Variants in CRB1 observed in about 807,000 individuals in gnomAD.
CRB1 encodes protein crumbs homolog 1.
CRB1 carries 83 observed loss-of-function variants against 120.0 expected under a neutral mutation model. The ratio of observed to expected loss-of-function variants is 0.69; its 90% CI spans 0.58 to 0.83. The LOEUF (loss-of-function observed/expected upper bound fraction) is 0.83. Among genes scored for constraint, CRB1 ranks in the 40% least tolerant of loss-of-function variants. The pLI is 0.00. For synonymous variants in CRB1, 625 were observed against 612.5 expected, an observed-to-expected ratio of 1.02 and a Z score of -0.30; for missense variants, 1,699 against 1,687.6, an observed-to-expected ratio of 1.01 and a Z score of -0.12.
intron 1 of CRB1, among the ~76,000 whole-genome samples, chr1:197,285,559 T>G (rs543056601): frequency 5.1e-4 from 77 of 151,972 alleles, no homozygotes; most frequent in African/African-American, 1.8e-3. Flanking sequence ...TGGTAGCAAA[T>G]ATTACAACTG....
intron 2 of CRB1, among the ~76,000 whole-genome samples, chr1:197,329,220 T>C (rs1460988309): frequency 6.6e-6 from 1 of 152,218 alleles, no homozygotes; most frequent in Non-Finnish European, 1.5e-5. Flanking sequence ...CTGTTTTAAA[T>C]GGAGCTCTAC....
chr1:197,432,398 A>G (rs978498924), intron 8 of CRB1, among the ~76,000 whole-genome samples: 2 of 148,342 alleles, frequency 1.3e-5, no homozygotes, highest in Non-Finnish European at 1.5e-5. Flanking sequence ...ACACACACAC[A>G]CACACATAGT....
rs1411345985 is a variant in CRB1, at chr1:197,429,588, G to A, written c.2816G>A (p.Cys939Tyr). The change falls in exon 8 of 12, where the codon TGC becomes TAC. Residue 939 changes from cysteine to tyrosine, a missense_variant. Physicochemically the swap from Cys to Tyr is radical, Grantham distance 194. Transcript: ENST00000367400. Reference protein sequence around the residue: ...GFSPCPHGAQCQPVLQGFECI... With the variant: ...GFSPCPHGAQYQPVLQGFECI... ...AGCCCGTGTCCTCACGGAGCCCAGT[G>A]CCAGCCGGTGCTTCAAGGATTTGAA... is the stretch of plus-strand genomic sequence containing the variant. 3 of 1,613,896 alleles carry A rather than the reference G, an allele frequency of 1.9e-6. No homozygotes were observed. Among genetic ancestry groups the A allele is most frequent in the Non-Finnish European group, 2.5e-6 (3 of 1,179,970 alleles).
At chr1:197,299,642 G>T (rs1656751745) in intron 1 of CRB1, among the ~76,000 whole-genome samples, 1 of 152,082 alleles carries the variant, frequency 6.6e-6, no homozygotes. Flanking sequence ...AAAAACTGTA[G>T]TATATTTATA....
At chr1:197,448,296 G>A (rs576044496) in intron 11 of CRB1, among the ~76,000 whole-genome samples, 1 of 152,028 alleles carries the variant, frequency 6.6e-6, no homozygotes, top group African/African-American at 2.4e-5. Flanking sequence ...TTTCCTGGGG[G>A]GTCTTTGTGT....
At chr1:197,253,953 A>G in the CRB1 span, among the ~76,000 whole-genome samples, 1 of 152,114 alleles carries the variant, frequency 6.6e-6, no homozygotes, top group Non-Finnish European at 1.5e-5. Context: ...TAATAAACAC[A>G]TCAGCAAATA....
chr1:197,352,607 G>T (rs1021656189), intron 4 of CRB1, among the ~76,000 whole-genome samples: 2 of 151,764 alleles, frequency 1.3e-5, no homozygotes, highest in Non-Finnish European at 2.9e-5. Flanking sequence ...TCAAGTTTAA[G>T]AGACTCTGAA....
intron 1 of CRB1, among the ~76,000 whole-genome samples, chr1:197,282,278 A>G (rs1263920857): frequency 6.6e-6 from 1 of 151,836 alleles, no homozygotes; most frequent in African/African-American, 2.4e-5. Context: ...TTCAGTAACT[A>G]TCATCAAGTC....
chr1:197,396,419 T>C (rs547765932), intron 5 of CRB1, among the ~76,000 whole-genome samples: 1 of 152,290 alleles, frequency 6.6e-6, no homozygotes, highest in African/African-American at 2.4e-5. Flanking sequence ...CTGCATTCAA[T>C]GTAATCCAAA....
At chr1:197,266,813 C>T (rs1654650538), upstream of CRB1, among the ~76,000 whole-genome samples, 1 of 152,096 alleles carries the variant, frequency 6.6e-6, no homozygotes. Context: ...CTTTCTAATA[C>T]CATAAGATTC....
At chr1:197,414,859 A>G (rs184551689) in intron 5 of CRB1, among the ~76,000 whole-genome samples, 1 of 152,210 alleles carries the variant, frequency 6.6e-6, no homozygotes, top group African/African-American at 2.4e-5. Context: ...GTTGGACTTT[A>G]TTTTACATTG....
At position 197,438,469 on chromosome 1, in the gene CRB1, A is replaced by G; in HGVS notation, c.3750-78A>G. 1.9e-6 allele frequency: 3 copies of G among 1,561,846 alleles called. No homozygotes were observed. In the South Asian group the frequency reaches 3.4e-5, roughly 17 times the overall value. On this transcript the variant is annotated intron_variant, in intron 9 of 11. Transcript: ENST00000367400. ...TTAATTAGCTTGGCATTGACTACAT[A>G]CATGAATTTATCAGAAAACTTTTCT...
the CRB1 span, among the ~76,000 whole-genome samples, chr1:197,219,901 A>G: frequency 6.6e-6 from 1 of 152,198 alleles, no homozygotes; most frequent in African/African-American, 2.4e-5. Context: ...TCACTGTCTT[A>G]CATATTTTCA....
chr1:197,419,611 G>A (rs1467405363), intron 5 of CRB1, among the ~76,000 whole-genome samples: 1 of 151,954 alleles, frequency 6.6e-6, no homozygotes, highest in Non-Finnish European at 1.5e-5. Context: ...AATCCACCCA[G>A]CTAGGCCCCC....
chr1:197,303,289 C>G (rs1383743035), intron 1 of CRB1, among the ~76,000 whole-genome samples: 2 of 104,232 alleles, frequency 1.9e-5, no homozygotes, highest in African/African-American at 7.3e-5. Context: ...CCCCTCCCCC[C>G]ACCCCACAAC....
At chr1:197,212,445 T>C in the CRB1 span, among the ~76,000 whole-genome samples, 13 of 152,090 alleles carry the variant, frequency 8.5e-5, no homozygotes, top group African/African-American at 3.1e-4. Context: ...ACACAAATAA[T>C]AGAGCAAATT....
In CRB1 at chr1:197,476,012, C is replaced by T. The variant is rs543529972; in HGVS notation, c.4006-1652C>T. 6.6e-5 allele frequency among the ~76,000 whole-genome samples: 10 copies of T among 152,204 alleles called. No homozygotes were observed. In the South Asian group the frequency reaches 1.5e-3, roughly 22 times the overall value. ...TCAACCTCCGCATCTCGGGTTCAAG[C>T]GATTCTTCTGCCTCAGCCTCCCAAG... On this transcript the variant is annotated intron_variant, in intron 11 of 11. Transcript: ENST00000367400.
At chr1:197,358,015 C>T (rs1468125272) in intron 5 of CRB1, 1 of 152,202 alleles carries the variant, frequency 6.6e-6, no homozygotes, top group African/African-American at 2.4e-5. Flanking sequence ...TTAAAAAATG[C>T]ATCCAAATAA....
chr1:197,477,938 C>A lies in CRB1; in HGVS notation c.*59C>A. ...CACTGTGAATGTGATGACTGTACTTCAGGTATCTCTGACATACCTGACAAT... is the reference window on the plus strand; with the variant it reads ...CACTGTGAATGTGATGACTGTACTTAAGGTATCTCTGACATACCTGACAAT... On this transcript the variant is annotated 3_prime_UTR_variant, in exon 12 of 12. Transcript: ENST00000367400. The A allele has an allele frequency of 6.6e-7, 1 of 1,510,296 alleles. No individual in the cohort carries two copies. Among genetic ancestry groups the A allele is most frequent in the Non-Finnish European group, 9.2e-7 (1 of 1,085,894 alleles). The allele number at this position is 1,510,296 out of a possible 1,614,324, so 93.6% of individuals were successfully genotyped here.
Sources: gnomAD v4.1 joint callset for allele counts (sites outside exome capture counted in the v4.1 genomes callset) on GRCh38, gnomAD v4.1.1 for gene constraint, MANE v1.5 for transcripts, NCBI Gene and HGNC (gene_info 2026-07-23, HGNC 2026-07-21) for gene names.